TTN: variants seen among roughly 807,000 people sequenced by gnomAD.
The protein encoded by TTN is connectin.
TTN carries 1,525 observed loss-of-function variants against 3,223.0 expected under a neutral mutation model. The observed-to-expected ratio is 0.47, with a 90% CI of 0.45 to 0.49. The LOEUF (loss-of-function observed/expected upper bound fraction) is 0.49, where lower values mean the gene tolerates loss of function less well. Among genes scored for constraint, TTN ranks in the 20% least tolerant of loss-of-function variants. The pLI is 0.00. For missense variants in TTN, 40,786 were observed against 43,424.0 expected, an observed-to-expected ratio of 0.94 and a Z score of 5.40; for synonymous variants, 14,094 against 15,161.0, an observed-to-expected ratio of 0.93 and a Z score of 5.17.
In TTN at chr2:178,528,987, A is replaced by G. The variant is rs771885830; in HGVS notation, c.106764T>C (p.Ile35588=). Reference sequence around the variant, plus strand: ...ATGTTTTAGTGATTTCCTCATGGACAATGGATTTTTCCAGGGAGGTTGCTG... The same window carrying G: ...ATGTTTTAGTGATTTCCTCATGGACGATGGATTTTTCCAGGGAGGTTGCTG... ...KSAATSLEKS[I]VHEEITKTSQ... Residue 35588 remains isoleucine, a synonymous_variant, in exon 360 of 363, where the codon ATT becomes ATC. Transcript: ENST00000589042. 4 of 1,613,966 alleles carry G rather than the reference A, an allele frequency of 2.5e-6. No individual in the cohort carries two copies. Among genetic ancestry groups the G allele is most frequent in the Non-Finnish European group, 2.5e-6 (3 of 1,179,866 alleles).
At chr2:178,684,227 TCAACAACAACAA>T (rs78092378) in intron 132 of TTN, 91 bp downstream of exon 132, 4 of 1,280,352 alleles carry the variant, frequency 3.1e-6, no homozygotes, top group East Asian at 2.5e-5. Context: ...AACAACAACA[TCAACAACAACAA>T]CAACAACAAA....
In TTN at chr2:178,536,205, G is replaced by A. The variant is rs2154137277; in HGVS notation, c.100542C>T (p.Thr33514=). 1 of 1,613,278 alleles carries A rather than the reference G, an allele frequency of 6.2e-7. No individual in the cohort carries two copies. The highest frequency in any genetic ancestry group is 8.5e-7 in the Non-Finnish European group (1 of 1,179,560). ...GATGACCAGTCACTTTGCAGACCAA[G>A]GTAGCATTGCTCTGATATCTGACAT... The part of the protein sequence containing the change: ...NLNVRYQSNA[T]LVCKVTGHPK... Residue 33514 remains threonine (T), a synonymous_variant, in exon 357 of 363, where the codon ACC becomes ACT. Coordinates refer to ENST00000589042, the MANE Select transcript of TTN (RefSeq NM_001267550.2).
rs1032223938 is a variant in TTN at position 178,654,217 on chromosome 2, G to A, written c.38371C>T (p.Arg12791Cys). ...VAVPKKPEAP[R>C]AKVPEAAQEV... ...GAGAGGGAATAAATACCTTTTGCAC[G>A]TGGGGCTTCCGGTTTTTTGGGCACA... Residue 12791 changes from arginine to cysteine, a missense_variant, in exon 193 of 363, where the codon CGT becomes TGT. Transcript: ENST00000589042. 1.3e-6 allele frequency: 2 copies of A among 1,596,930 alleles called. No individual in the cohort carries two copies. Among genetic ancestry groups the A allele is most frequent in the Non-Finnish European group, 1.7e-6 (2 of 1,177,928 alleles).
At chr2:178,792,247 A>G (rs763459613) in intron 9 of TTN, 50 bp from the exon 10 acceptor site, 7 of 1,556,138 alleles carry the variant, frequency 4.5e-6, no homozygotes, top group East Asian at 2.3e-5. Flanking sequence ...GCCCAATGAA[A>G]TAATATGGTG....
Position 178,541,403 on chromosome 2 carries a change from C to A in TTN, c.97674G>T (p.Arg32558=), listed in dbSNP as rs764255981. The A allele has an allele frequency of 1.2e-6, 2 of 1,612,724 alleles. No individual in the cohort carries two copies. The highest frequency in any genetic ancestry group is 1.7e-4 in the Middle Eastern group (1 of 6,054). ...CTTCAGTAAGGCCAGTGGAGCGGTA[C>A]CGTGTCATTGTCACAGGTACTTTAT... The part of the protein sequence containing the change: ...RVNKVPVTMT[R]YRSTGLTEGL... The change falls in exon 350 of 363, where the codon CGG becomes CGT. Residue 32558 remains arginine (R), a synonymous_variant. Transcript: ENST00000589042.
chr2:178,758,344 T>C (rs866658051), intron 44 of TTN, among the ~76,000 whole-genome samples: 3 of 152,362 alleles, frequency 2.0e-5, no homozygotes, highest in Middle Eastern at 3.4e-3. Flanking sequence ...TAATACTACA[T>C]AGACTATATT....
At chr2:178,691,772 A>G (rs977147416) in intron 121 of TTN, among the ~76,000 whole-genome samples, 2 of 152,228 alleles carry the variant, frequency 1.3e-5, no homozygotes, top group Non-Finnish European at 2.9e-5. Context: ...GATATTAAAA[A>G]TGTAAGATAG....
rs780110919 is a variant in TTN, at chr2:178,712,849, A to C, written c.27176T>G (p.Leu9059Arg). ...CACGTTGCATCTGTCACCTGGTACT[A>C]GTTCACTGCTACCTTTGAACCAGCT... ...SVSWFKGSSE[L>R]VPGDRCNVSL... is the part of the protein sequence containing the mutation. Residue 9059 changes from leucine to arginine, a missense_variant, in exon 94 of 363, where the codon CTA becomes CGA. By Grantham distance (102) the Leu-to-Arg change is moderately radical. Transcript: ENST00000589042. 21 of 1,613,696 alleles carry C rather than the reference A, an allele frequency of 1.3e-5. No homozygotes were observed. The highest frequency in any genetic ancestry group is 1.8e-5 in the Non-Finnish European group (21 of 1,179,794).
At chr2:178,528,501 C>T (rs1424854141) in intron 360 of TTN, 27 bp downstream of exon 360, 20 of 1,593,150 alleles carry the variant, frequency 1.3e-5, no homozygotes, top group Non-Finnish European at 1.5e-5. Context: ...AGTTTTTCTT[C>T]AATAATATAT....
At chr2:178,764,477 G>A (rs2090000826) in intron 42 of TTN, 50 bp downstream of exon 42, 1 of 1,613,026 alleles carries the variant, frequency 6.2e-7, no homozygotes, top group Admixed American at 1.7e-5. Context: ...AAGGACAAAA[G>A]CCTGCTTCTT....
At position 178,588,175 on chromosome 2, in the gene TTN, T is replaced by C. The variant is rs1559557769; in HGVS notation, c.63232A>G (p.Lys21078Glu). 2.5e-6 allele frequency: 4 copies of C among 1,600,740 alleles called. No homozygotes were observed. The highest frequency in any genetic ancestry group is 1.7e-5 in the Admixed American group (1 of 59,628). Residue 21078 changes from lysine (K) to glutamate (E), a missense_variant, in exon 305 of 363, where the codon AAA becomes GAA. Transcript: ENST00000589042. The stretch of plus-strand genomic sequence containing the variant: ...CCCCACCCAAGAGTTATGGAATGTT[T>C]GGTTGTATCAACCACTCTGAAATTG... ...PTNFRVVDTTKHSITLGWGKP... is the reference protein window; with the variant it reads ...PTNFRVVDTTEHSITLGWGKP...
rs1040561744 is a variant in TTN at position 178,611,262 on chromosome 2, G to A, written c.50867C>T (p.Thr16956Ile). 1.9e-6 allele frequency: 3 copies of A among 1,612,160 alleles called. No individual in the cohort carries two copies. Among genetic ancestry groups the A allele is most frequent in the Admixed American group, 3.3e-5 (2 of 59,838 alleles). Residue 16956 changes from threonine (T) to isoleucine (I), a missense_variant, in exon 270 of 363, where the codon ACA (threonine) becomes ATA (isoleucine). Physicochemically the swap from Thr to Ile is moderately conservative, Grantham distance 89 (BLOSUM62 -1). Transcript: ENST00000589042. ...VVAKDPDCKP[T>I]IDLETHDIIV... ...AATGTCATGAGTCTCCAGGTCAATTGTTGGCTTGCCTGTAAGATATCATTC... is the reference window on the plus strand; with the variant it reads ...AATGTCATGAGTCTCCAGGTCAATTATTGGCTTGCCTGTAAGATATCATTC...
At position 178,529,139 on chromosome 2, in the gene TTN, C is replaced by G. The variant is rs968812751; in HGVS notation, c.106612G>C (p.Glu35538Gln). Residue 35538 changes from glutamate to glutamine, a missense_variant, in exon 360 of 363, where the codon GAG (glutamate) becomes CAG (glutamine). Coordinates refer to ENST00000589042, the MANE Select transcript of TTN (RefSeq NM_001267550.2). ...CTTAGGGCTTTTTGGGAAATTTCCT[C>G]TTGGACAACAGCTTTCTTCTGAGGT... ...ITPQKKAVVQ[E>Q]EISQKALRSE... The G allele has an allele frequency of 1.3e-6, 2 of 1,585,934 alleles. No individual in the cohort carries two copies. The highest frequency in any genetic ancestry group is 4.5e-5 in the East Asian group (2 of 44,616).
chr2:178,642,109 C>A, intron 219 of TTN, 128 bp downstream of exon 219: 6 of 680,390 alleles, frequency 8.8e-6, no homozygotes, highest in Non-Finnish European at 8.7e-6. Context: ...TTCAATGAAA[C>A]TACAAACAAA....
At chr2:178,747,768 T>C in intron 47 of TTN, 3 of 1,611,956 alleles carry the variant, frequency 1.9e-6, no homozygotes, top group Non-Finnish European at 2.5e-6. Context: ...GTTTCTATCA[T>C]TTCTCCTTCT....
rs769555143 is a variant in TTN at position 178,546,366 on chromosome 2, C to A, written c.94965G>T (p.Glu31655Asp). The change falls in exon 342 of 363, where the codon GAG (glutamate) becomes GAT (aspartate). Residue 31655 changes from glutamate to aspartate, a missense_variant. Transcript: ENST00000589042. Reference sequence around the variant, plus strand: ...AAGAGACTTTTTCACAGAGATCTAGCTCCTTGTCTCCTTTGGTCCAGATAA... The same window carrying A: ...AAGAGACTTTTTCACAGAGATCTAGATCCTTGTCTCCTTTGGTCCAGATAA... Reference protein sequence around the residue: ...PKIIWTKGDKELDLCEKVSLQ... With the variant: ...PKIIWTKGDKDLDLCEKVSLQ... 4 of 1,613,660 alleles carry A rather than the reference C, an allele frequency of 2.5e-6. No individual in the cohort carries two copies. The highest frequency in any genetic ancestry group is 2.2e-5 in the South Asian group (2 of 91,086).
In TTN at chr2:178,542,954, G is replaced by C; in HGVS notation, c.96905-5C>G. On this transcript the variant is annotated splice_region_variant and splice_polypyrimidine_tract_variant and intron_variant, in intron 347 of 362. Coordinates refer to ENST00000589042, the MANE Select transcript of TTN (RefSeq NM_001267550.2). The stretch of plus-strand genomic sequence containing the variant: ...AAAGATCGATTGTTGGCAACACTAT[G>C]GGAAAGAAATCAGGCATTTATTCTT... 1.3e-6 allele frequency: 2 copies of C among 1,579,014 alleles called. No individual in the cohort carries two copies. The highest frequency in any genetic ancestry group is 2.3e-5 in the South Asian group (2 of 85,626).
Position 178,568,662 on chromosome 2 carries a change from G to A in TTN, c.77470C>T (p.Arg25824Cys), listed in dbSNP as rs778684474. The part of the protein sequence containing the change: ...DLKIEVPISG[R>C]PKPTITWTKD... ...GTCCAGGTAATGGTTGGCTTAGGAC[G>A]TCCAGAAATTGGCACTTCTATTTTC... Residue 25824 changes from arginine to cysteine, a missense_variant, in exon 326 of 363, where the codon CGT becomes TGT. Arg to Cys is a radical substitution (Grantham distance 180, BLOSUM62 -3). Coordinates refer to ENST00000589042, the MANE Select transcript of TTN (RefSeq NM_001267550.2). 2.0e-5 allele frequency: 32 copies of A among 1,613,350 alleles called. No homozygotes were observed. The highest frequency in any genetic ancestry group is 1.8e-4 in the South Asian group (16 of 91,046).
chr2:178,569,599 ATCAATGTC>A lies in TTN; in HGVS notation c.76525_76532del (p.Asp25509SerfsTer2). The stretch of plus-strand genomic sequence containing the variant: ...TGATTTTCCTTAGTTCTAGGTCAAG[ATCAATGTC>A]TGGTGCTTCTAATTTTTCTTCAACT... On this transcript the variant is annotated frameshift_variant, in exon 326 of 363. Coordinates refer to ENST00000589042, the MANE Select transcript of TTN (RefSeq NM_001267550.2). LOFTEE classifies it high-confidence loss of function. The A allele has an allele frequency of 6.2e-7, 1 of 1,612,600 alleles. No homozygotes were observed. The highest frequency in any genetic ancestry group is 8.5e-7 in the Non-Finnish European group (1 of 1,179,324).
Sources: allele counts gnomAD v4.1 joint callset (sites outside exome capture counted in the v4.1 genomes callset), GRCh38; gene constraint gnomAD v4.1.1; transcripts MANE v1.5; gene names NCBI Gene and HGNC (gene_info 2026-07-23, HGNC 2026-07-21).